DHRSX: variants seen among roughly 807,000 people sequenced by gnomAD.
The protein encoded by DHRSX is dehydrogenase/reductase X-linked, also known as polyprenol dehydrogenase.
DHRSX carries 31 observed loss-of-function variants against 34.0 expected under a neutral mutation model. That is an observed-to-expected ratio of 0.91 (90% CI 0.69 to 1.23). DHRSX has a LOEUF of 1.23. Ranked by LOEUF, DHRSX falls within the 50% of genes most tolerant of loss-of-function variation. The pLI is 0.00. For synonymous variants in DHRSX, 201 were observed against 183.8 expected, an observed-to-expected ratio of 1.09 and a Z score of -0.76; for missense variants, 414 against 428.1, an observed-to-expected ratio of 0.97 and a Z score of 0.29.
At chrX:2,268,884 G>A (rs2041510936) in intron 4 of DHRSX, among the ~76,000 whole-genome samples, 2 of 152,220 alleles carry the variant, frequency 1.3e-5, no homozygotes, top group African/African-American at 4.8e-5. Flanking sequence ...TGATTCATCT[G>A]TGGAATCCCA....
chrX:2,336,036 G>C (rs1232403735), intron 3 of DHRSX, among the ~76,000 whole-genome samples: 1 of 151,924 alleles, frequency 6.6e-6, no homozygotes, highest in East Asian at 1.9e-4. Flanking sequence ...CGTTGAGACA[G>C]AGTCTTGCTC....
intron 6 of DHRSX, among the ~76,000 whole-genome samples, chrX:2,235,407 G>A (rs2015988632): frequency 1.3e-5 from 2 of 152,146 alleles, no homozygotes; most frequent in Non-Finnish European, 2.9e-5. Context: ...CAAGAAATCC[G>A]CACCTGTACT....
chrX:2,317,257 T>C (rs1454214409), intron 3 of DHRSX, among the ~76,000 whole-genome samples: 1 of 17,984 alleles, frequency 5.6e-5, no homozygotes, highest in African/African-American at 3.2e-4. Context: ...CGCGCCTGGC[T>C]TTTTTTTTTT....
intron 3 of DHRSX, among the ~76,000 whole-genome samples, chrX:2,380,814 G>A (rs28392690): frequency 2.0e-5 from 3 of 152,216 alleles, no homozygotes; most frequent in African/African-American, 4.8e-5. Context: ...GTGTCCTCTC[G>A]AAATCCCCAT....
chrX:2,355,937 GTA>G (rs72229980), intron 3 of DHRSX, among the ~76,000 whole-genome samples: 3,427 of 151,744 alleles, frequency 0.023, 125 homozygotes, highest in African/African-American at 0.078. Context: ...GTGGTGGCAG[GTA>G]TATGTAGTTC....
chrX:2,374,032 A>G (rs1023002071), intron 3 of DHRSX, among the ~76,000 whole-genome samples: 3 of 152,032 alleles, frequency 2.0e-5, no homozygotes, highest in African/African-American at 7.2e-5. Context: ...ACAAAAAAAG[A>G]CCTCTGCACC....
intron 1 of DHRSX, among the ~76,000 whole-genome samples, chrX:2,437,366 G>A (rs2124662873): frequency 6.6e-6 from 1 of 152,162 alleles, no homozygotes; most frequent in Non-Finnish European, 1.5e-5. Context: ...AGCACTTTGG[G>A]AGGCCGAGGT....
intron 1 of DHRSX, among the ~76,000 whole-genome samples, chrX:2,452,099 T>A (rs1478204295): frequency 6.6e-6 from 1 of 151,898 alleles, no homozygotes; most frequent in Non-Finnish European, 1.5e-5. Context: ...ATGTACTCAC[T>A]GAAGACGTTC....
intron 6 of DHRSX, among the ~76,000 whole-genome samples, chrX:2,231,142 C>G (rs1288381275): frequency 6.6e-6 from 1 of 152,092 alleles, no homozygotes; most frequent in African/African-American, 2.4e-5. Flanking sequence ...GTTTCCCATC[C>G]AAAGAGGACA....
intron 4 of DHRSX, among the ~76,000 whole-genome samples, chrX:2,274,169 A>G (rs1405117453): frequency 6.9e-6 from 1 of 145,622 alleles, no homozygotes; most frequent in East Asian, 2.1e-4. Flanking sequence ...TCCCGAGTAC[A>G]TGGGATTACA....
chrX:2,227,593 A>C, intron 6 of DHRSX, among the ~76,000 whole-genome samples: 1 of 135,496 alleles, frequency 7.4e-6, no homozygotes, highest in Admixed American at 7.4e-5. Context: ...GGATGAAAAA[A>C]GAAAAAAAAA....
chrX:2,435,166 G>C (rs1223811759), intron 1 of DHRSX, among the ~76,000 whole-genome samples: 3 of 152,060 alleles, frequency 2.0e-5, no homozygotes, highest in African/African-American at 7.3e-5. Context: ...GATGCAGAGA[G>C]AGAAACAGGA....
intron 1 of DHRSX, among the ~76,000 whole-genome samples, chrX:2,443,929 C>T (rs1693364109): frequency 6.6e-6 from 1 of 151,622 alleles, no homozygotes; most frequent in African/African-American, 2.4e-5. Flanking sequence ...TGGCGTGAAC[C>T]CGGGAGGTGG....
intron 1 of DHRSX, chrX:2,489,767 A>T: frequency 6.2e-7 from 1 of 1,613,360 alleles, no homozygotes; most frequent in Non-Finnish European, 8.5e-7. Flanking sequence ...GTACTCCACC[A>T]GTTTGCGGCA....
chrX:2,250,343 G>C (rs1472914438), intron 5 of DHRSX, among the ~76,000 whole-genome samples: 2 of 152,018 alleles, frequency 1.3e-5, no homozygotes, highest in Non-Finnish European at 2.9e-5. Flanking sequence ...TGGGTCCATA[G>C]AGTAAAGTGA....
At chrX:2,227,586 T>C (rs1335977029) in intron 6 of DHRSX, among the ~76,000 whole-genome samples, 1 of 48,470 alleles carries the variant, frequency 2.1e-5, no homozygotes, top group Non-Finnish European at 3.9e-5. Flanking sequence ...AAGGGAAGGA[T>C]GAAAAAAGAA....
chrX:2,481,565 C>T (rs1163953080), intron 1 of DHRSX, among the ~76,000 whole-genome samples: 2 of 151,854 alleles, frequency 1.3e-5, no homozygotes, highest in Non-Finnish European at 1.5e-5. Flanking sequence ...ACTCAGGAGG[C>T]TGAGACAGGA....
chrX:2,424,233 C>T (rs1438755772), intron 2 of DHRSX, among the ~76,000 whole-genome samples: 1 of 150,300 alleles, frequency 6.7e-6, no homozygotes, highest in Non-Finnish European at 1.5e-5. Context: ...ACACCTGGAT[C>T]TCAGACATCC....
chrX:2,377,038 C>T (rs2043148653), intron 3 of DHRSX, among the ~76,000 whole-genome samples: 1 of 151,440 alleles, frequency 6.6e-6, no homozygotes, highest in African/African-American at 2.4e-5. Context: ...CATAGAGACA[C>T]AGAGATGGCC....
Sources: allele counts gnomAD v4.1 joint callset (sites outside exome capture counted in the v4.1 genomes callset), GRCh38; gene constraint gnomAD v4.1.1; transcripts MANE v1.5; gene names NCBI Gene and HGNC (gene_info 2026-07-23, HGNC 2026-07-21).